The following BNC2 variants were observed in gnomAD, a reference collection of about 807,000 sequenced individuals.
BNC2 encodes the protein basonuclin zinc finger protein 2.
In BNC2, 20 loss-of-function variants were observed where a neutral mutation model predicts 76.3. The ratio of observed to expected loss-of-function variants is 0.26; its 90% CI spans 0.18 to 0.38. BNC2 has a LOEUF of 0.38. BNC2 is among the 10% of genes least tolerant of loss of function. The probability of loss-of-function intolerance (pLI) is 1.00; values close to 1 mark genes in which losing one functional copy is unlikely to be tolerated. For missense variants in BNC2, 1,382 were observed against 1,399.8 expected, an observed-to-expected ratio of 0.99 and a Z score of 0.20; for synonymous variants, 582 against 514.8, an observed-to-expected ratio of 1.13 and a Z score of -1.77.
intron 5 of BNC2, among the ~76,000 whole-genome samples, chr9:16,444,847 C>T (rs1821198996): frequency 6.6e-6 from 1 of 152,196 alleles, no homozygotes; most frequent in African/African-American, 2.4e-5. Flanking sequence ...GCAGATATTT[C>T]AACCTTAAAT....
intron 2 of BNC2, among the ~76,000 whole-genome samples, chr9:16,734,526 C>T (rs1824609263): frequency 6.6e-6 from 1 of 152,188 alleles, no homozygotes; most frequent in African/African-American, 2.4e-5. Flanking sequence ...TGGTTCTGGC[C>T]ACCTTGACTG....
chr9:16,677,709 G>T (rs545330298), intron 3 of BNC2, among the ~76,000 whole-genome samples: 1 of 151,990 alleles, frequency 6.6e-6, no homozygotes, highest in Admixed American at 6.6e-5. Flanking sequence ...TCCTGTGTCC[G>T]GAGTTAAGAA....
chr9:16,692,698 TAA>T, intron 3 of BNC2, among the ~76,000 whole-genome samples: 2 of 152,220 alleles, frequency 1.3e-5, no homozygotes, highest in South Asian at 4.1e-4. Flanking sequence ...CTGGGGAAAC[TAA>T]AAAGAGACAG....
chr9:16,457,401 C>T (rs945131963), intron 5 of BNC2, among the ~76,000 whole-genome samples: 3 of 152,114 alleles, frequency 2.0e-5, no homozygotes, highest in African/African-American at 7.2e-5. Context: ...CGTGGTCATA[C>T]GCACACCTAA....
intron 2 of BNC2, among the ~76,000 whole-genome samples, chr9:16,732,045 T>C (rs1448290339): frequency 1.3e-5 from 2 of 151,808 alleles, no homozygotes; most frequent in Non-Finnish European, 2.9e-5. Context: ...AAAAAGTGTG[T>C]TCTTTCTTGT....
intron 4 of BNC2, among the ~76,000 whole-genome samples, chr9:16,574,843 C>T (rs1045994745): frequency 1.3e-5 from 2 of 152,132 alleles, no homozygotes; most frequent in Non-Finnish European, 2.9e-5. Context: ...AGATGCATTG[C>T]TATTATTATC....
chr9:16,747,357 T>C (rs1203021678), intron 1 of BNC2, among the ~76,000 whole-genome samples: 2 of 152,008 alleles, frequency 1.3e-5, no homozygotes, highest in Non-Finnish European at 2.9e-5. Context: ...CAATTAACAG[T>C]AAAATCTCAG....
At chr9:16,583,367 G>A (rs181877566) in intron 3 of BNC2, among the ~76,000 whole-genome samples, 46 of 152,052 alleles carry the variant, frequency 3.0e-4, no homozygotes, top group East Asian at 1.9e-3. Context: ...ATAAGATACC[G>A]GATTTACGAC....
intron 3 of BNC2, among the ~76,000 whole-genome samples, chr9:16,647,762 T>C (rs1030286913): frequency 6.6e-6 from 1 of 152,206 alleles, no homozygotes; most frequent in Non-Finnish European, 1.5e-5. Flanking sequence ...TACTGCTCAC[T>C]AGAAAATAAA....
intron 3 of BNC2, among the ~76,000 whole-genome samples, chr9:16,612,991 A>G (rs1820592767): frequency 2.0e-5 from 3 of 152,190 alleles, no homozygotes; most frequent in African/African-American, 7.2e-5. Flanking sequence ...ATCATCCAAG[A>G]AGATGGACAA....
chr9:16,688,725 A>G (rs1419841509), intron 3 of BNC2, among the ~76,000 whole-genome samples: 1 of 152,186 alleles, frequency 6.6e-6, no homozygotes, highest in Non-Finnish European at 1.5e-5. Flanking sequence ...TGTTCAGCTA[A>G]TATTTCTAAA....
chr9:16,782,024 T>A (rs1262771671), intron 1 of BNC2, among the ~76,000 whole-genome samples: 1 of 152,100 alleles, frequency 6.6e-6, no homozygotes, highest in Admixed American at 6.6e-5. Context: ...TGGTGGCTCA[T>A]GCCTGTAATC....
intron 3 of BNC2, among the ~76,000 whole-genome samples, chr9:16,724,479 C>T (rs926944304): frequency 6.6e-6 from 1 of 152,000 alleles, no homozygotes; most frequent in Non-Finnish European, 1.5e-5. Flanking sequence ...AAGTGTCATA[C>T]CCTTTAATGT....
intron 1 of BNC2, among the ~76,000 whole-genome samples, chr9:16,763,879 G>C (rs1825619702): frequency 6.6e-6 from 1 of 152,130 alleles, no homozygotes; most frequent in Non-Finnish European, 1.5e-5. Context: ...GAAAACTACA[G>C]AGCTATATAT....
intron 3 of BNC2, among the ~76,000 whole-genome samples, chr9:16,678,973 A>C (rs1446539741): frequency 6.6e-6 from 1 of 152,150 alleles, no homozygotes; most frequent in Non-Finnish European, 1.5e-5. Context: ...AGTTGTTTTT[A>C]ATAGCAAGAA....
At chr9:16,786,815 C>G (rs544044435) in intron 1 of BNC2, among the ~76,000 whole-genome samples, 2 of 152,148 alleles carry the variant, frequency 1.3e-5, no homozygotes, top group Non-Finnish European at 2.9e-5. Flanking sequence ...GGTCATTGAT[C>G]TGCGGCACAA....
At chr9:16,489,538 T>A (rs10810570) in intron 5 of BNC2, among the ~76,000 whole-genome samples, 38,009 of 152,120 alleles carry the variant, frequency 0.25, 5,128 homozygotes, top group South Asian at 0.41. Context: ...GCAAATATGA[T>A]CCATGGTTTA....
intron 5 of BNC2, among the ~76,000 whole-genome samples, chr9:16,498,608 T>C (rs1374590749): frequency 1.3e-5 from 2 of 150,946 alleles, no homozygotes; most frequent in Non-Finnish European, 2.9e-5. Flanking sequence ...AAATCACCAC[T>C]AAAGAACTTA....
At chr9:16,496,438 C>T (rs1372866891) in intron 5 of BNC2, among the ~76,000 whole-genome samples, 1 of 152,140 alleles carries the variant, frequency 6.6e-6, no homozygotes, top group Admixed American at 6.5e-5. Flanking sequence ...ATTATTGTGA[C>T]AATGACAAAT....
Sources: allele counts gnomAD v4.1 joint callset (sites outside exome capture counted in the v4.1 genomes callset), GRCh38; gene constraint gnomAD v4.1.1; transcripts MANE v1.5; gene names NCBI Gene and HGNC (gene_info 2026-07-23, HGNC 2026-07-21).